Variants in SPECC1L observed in about 807,000 individuals in gnomAD.
The protein encoded by SPECC1L is cytospin-A.
Under a neutral mutation model 116.8 loss-of-function variants are expected in SPECC1L, and 40 were observed. The observed-to-expected ratio is 0.34, with a 90% CI of 0.27 to 0.45. SPECC1L has a LOEUF of 0.45. SPECC1L is among the 20% of genes least tolerant of loss of function. The probability of loss-of-function intolerance (pLI) is 1.00; values close to 1 mark genes in which losing one functional copy is unlikely to be tolerated. For synonymous variants in SPECC1L, 504 were observed against 500.6 expected (o/e 1.01, Z -0.09); for missense variants, 1,110 against 1,373.6 (o/e 0.81, Z 3.03).
chr22:24,333,481 G>T (rs2040980331), intron 8 of SPECC1L, among the ~76,000 whole-genome samples: 1 of 151,670 alleles, frequency 6.6e-6, no homozygotes, highest in South Asian at 2.1e-4. Flanking sequence ...AAATGAAATG[G>T]AATTGATTTT....
intron 12 of SPECC1L, among the ~76,000 whole-genome samples, chr22:24,365,171 CTAAT>C (rs1162218170): frequency 1.3e-5 from 2 of 152,034 alleles, no homozygotes; most frequent in East Asian, 1.9e-4. Context: ...CCATGCCTGG[CTAAT>C]TTTTGTATTT....
At chr22:24,339,647 A>G (rs1469172995) in intron 10 of SPECC1L, among the ~76,000 whole-genome samples, 2 of 152,144 alleles carry the variant, frequency 1.3e-5, no homozygotes, top group Non-Finnish European at 2.9e-5. Flanking sequence ...CCCTGGCTGC[A>G]CCTCTTCCCT....
At chr22:24,342,188 A>G (rs558053156) in intron 10 of SPECC1L, among the ~76,000 whole-genome samples, 2 of 152,374 alleles carry the variant, frequency 1.3e-5, no homozygotes, top group South Asian at 2.1e-4. Context: ...CTGGCATGCA[A>G]TAAAAAATTA....
intron 10 of SPECC1L, among the ~76,000 whole-genome samples, chr22:24,342,862 T>C (rs1012103856): frequency 7.3e-5 from 11 of 151,276 alleles, no homozygotes; most frequent in African/African-American, 2.7e-4. Context: ...AAAAGGCGGG[T>C]CGGGGGGCAG....
chr22:24,407,605 G>A (rs997953869), intron 14 of SPECC1L, among the ~76,000 whole-genome samples: 6 of 152,032 alleles, frequency 3.9e-5, no homozygotes, highest in Non-Finnish European at 7.4e-5. Context: ...AGGGCCAGGC[G>A]TTGCCATTGG....
chr22:24,308,408 A>C (rs1443732359), intron 3 of SPECC1L, among the ~76,000 whole-genome samples: 1 of 152,250 alleles, frequency 6.6e-6, no homozygotes, highest in Non-Finnish European at 1.5e-5. Flanking sequence ...AGCGAAAGGC[A>C]GTTATTTGAT....
At chr22:24,361,582 G>A (rs543136718) in intron 11 of SPECC1L, among the ~76,000 whole-genome samples, 26 of 152,028 alleles carry the variant, frequency 1.7e-4, no homozygotes, top group African/African-American at 6.3e-4. Context: ...AACCCAGGAG[G>A]CTCAAGAGTT....
intron 4 of SPECC1L, among the ~76,000 whole-genome samples, chr22:24,314,949 T>C (rs528296485): frequency 6.6e-6 from 1 of 152,374 alleles, no homozygotes; most frequent in Non-Finnish European, 1.5e-5. Context: ...GTATTTGTTT[T>C]TAGATTTGAT....
At position 24,316,735 on chromosome 22, in the gene SPECC1L, C is replaced by G. The variant is rs796670170; in HGVS notation, c.307+3269C>G. 5.1e-4 allele frequency among the ~76,000 whole-genome samples: 77 copies of G among 149,898 alleles called. 6 individuals are homozygous for G. In the South Asian group the frequency reaches 0.012, roughly 24 times the overall value. ...CTCAATCTTTTCCCCACCTTTCCCCCCTTTCTATTCCACAAAACCACCATT... is the reference window on the plus strand; with the variant it reads ...CTCAATCTTTTCCCCACCTTTCCCCGCTTTCTATTCCACAAAACCACCATT... On this transcript the variant is annotated intron_variant, in intron 4 of 16. Coordinates refer to ENST00000314328, the MANE Select transcript of SPECC1L (RefSeq NM_015330.6).
Position 24,321,392 on chromosome 22 carries a change from C to T in SPECC1L, c.412C>T (p.Leu138=). 1.9e-6 allele frequency: 3 copies of T among 1,614,236 alleles called. No homozygotes were observed. Among genetic ancestry groups the T allele is most frequent in the Non-Finnish European group, 1.7e-6 (2 of 1,180,036 alleles). The stretch of plus-strand genomic sequence containing the variant: ...TACCCGATTAAACCAGAGCAAAAAA[C>T]TACCTTCTGCAGGTCAGGGAGCTAA... The part of the protein sequence containing the change: ...ERTRLNQSKK[L]PSAGQGANDM... Residue 138 remains leucine, a synonymous_variant, in exon 5 of 17, where the codon CTA becomes TTA. Transcript: ENST00000314328.
intron 8 of SPECC1L, among the ~76,000 whole-genome samples, chr22:24,332,800 T>C (rs1480802842): frequency 6.6e-6 from 1 of 152,166 alleles, no homozygotes; most frequent in Non-Finnish European, 1.5e-5. Context: ...AATATTTGTA[T>C]ATATTCTTAG....
At chr22:24,316,119 G>A (rs1162214689) in intron 4 of SPECC1L, among the ~76,000 whole-genome samples, 1 of 152,188 alleles carries the variant, frequency 6.6e-6, no homozygotes, top group Non-Finnish European at 1.5e-5. Flanking sequence ...CAGTTCATCT[G>A]CTCTACCTTT....
intron 14 of SPECC1L, among the ~76,000 whole-genome samples, chr22:24,374,058 A>C (rs1382105394): frequency 6.6e-6 from 1 of 152,172 alleles, no homozygotes; most frequent in Admixed American, 6.5e-5. Flanking sequence ...AATGCAAATC[A>C]AAACCACAAT....
chr22:24,407,039 G>A (rs1394505220), intron 14 of SPECC1L, among the ~76,000 whole-genome samples: 3 of 152,220 alleles, frequency 2.0e-5, no homozygotes, highest in African/African-American at 2.4e-5. Context: ...AGAGCAGCCA[G>A]TGGGCGCTCA....
rs569594248 is a variant in SPECC1L, at chr22:24,313,353, G to C, written c.194G>C (p.Gly65Ala). ...GACCTTTTAGCTGGAATGGCCGGAG[G>C]GGTAACGGTGACTAATGGTGTTAAA... ...SDDLLAGMAG[G>A]VTVTNGVKGK... Residue 65 changes from glycine (G) to alanine (A), a missense_variant, in exon 4 of 17, where the codon GGG (glycine) becomes GCG (alanine). Gly to Ala is a moderately conservative substitution (Grantham distance 60). Transcript: ENST00000314328. 1 of 1,614,108 alleles carries C rather than the reference G, an allele frequency of 6.2e-7. No individual in the cohort carries two copies. Among genetic ancestry groups the C allele is most frequent in the Non-Finnish European group, 8.5e-7 (1 of 1,180,018 alleles).
At chr22:24,285,629 T>G (rs562122741) in intron 2 of SPECC1L, among the ~76,000 whole-genome samples, 6 of 144,602 alleles carry the variant, frequency 4.1e-5, no homozygotes, top group East Asian at 2.0e-4. Flanking sequence ...AATACTGCTG[T>G]TTTTTTTTTT....
At chr22:24,325,611 G>A (rs1292324208) in intron 6 of SPECC1L, among the ~76,000 whole-genome samples, 4 of 151,158 alleles carry the variant, frequency 2.6e-5, no homozygotes, top group Admixed American at 6.6e-5. Context: ...ATGTAGTGCC[G>A]GGGGCAGAAA....
In SPECC1L at chr22:24,322,573, A is replaced by G. The variant is rs1311616414; in HGVS notation, c.1593A>G (p.Gln531=). Residue 531 remains glutamine (Q), a synonymous_variant, in exon 5 of 17, where the codon CAA becomes CAG. Coordinates refer to ENST00000314328, the MANE Select transcript of SPECC1L (RefSeq NM_015330.6). The part of the protein sequence containing the change: ...KMAEQDNKEA[Q]EMIGALKERS... ...CAGAACAAGACAATAAGGAAGCTCA[A>G]GAAATGATAGGGGCACTCAAAGAAC... 9.9e-6 allele frequency: 16 copies of G among 1,614,142 alleles called. No individual in the cohort carries two copies. The highest frequency in any genetic ancestry group is 1.3e-5 in the African/African-American group (1 of 74,956).
At chr22:24,306,169 A>G (rs1196001141) in intron 3 of SPECC1L, among the ~76,000 whole-genome samples, 2 of 152,090 alleles carry the variant, frequency 1.3e-5, no homozygotes, top group Non-Finnish European at 2.9e-5. Context: ...GGCCTCCCAA[A>G]GTGCTGGAAT....
Sources: allele counts gnomAD v4.1 joint callset (sites outside exome capture counted in the v4.1 genomes callset), GRCh38; gene constraint gnomAD v4.1.1; transcripts MANE v1.5; gene names NCBI Gene and HGNC (gene_info 2026-07-23, HGNC 2026-07-21).